Variants in HDAC9 observed in about 807,000 individuals in gnomAD.
HDAC9 encodes the protein histone deacetylase 9.
Under a neutral mutation model 139.4 loss-of-function variants are expected in HDAC9, and 41 were observed. That is an observed-to-expected ratio of 0.29 (90% CI 0.23 to 0.38). The LOEUF (loss-of-function observed/expected upper bound fraction) is 0.38, where lower values mean the gene tolerates loss of function less well. Among genes scored for constraint, HDAC9 ranks in the 10% least tolerant of loss-of-function variants. The pLI is 1.00. For missense variants in HDAC9, 1,147 were observed against 1,297.0 expected (o/e 0.88, Z 1.78); for synonymous variants, 517 against 476.2 (o/e 1.09, Z -1.12).
chr7:18,294,564 G>T (rs1798016601), intron 1 of HDAC9, among the ~76,000 whole-genome samples: 1 of 152,106 alleles, frequency 6.6e-6, no homozygotes, highest in African/African-American at 2.4e-5. Context: ...GAGAGTAAAG[G>T]TCAGCATGGC....
intron 1 of HDAC9, among the ~76,000 whole-genome samples, chr7:18,463,201 G>T (rs2128111714): frequency 6.6e-6 from 1 of 152,066 alleles, no homozygotes; most frequent in East Asian, 1.9e-4. Context: ...AATGAGATTA[G>T]TTTGTAATTT....
intron 23 of HDAC9, among the ~76,000 whole-genome samples, chr7:18,952,598 T>C (rs1170816865): frequency 6.6e-6 from 1 of 152,008 alleles, no homozygotes; most frequent in Non-Finnish European, 1.5e-5. Context: ...GAAAAATTAT[T>C]TATAAGCAAA....
chr7:18,124,587 C>T lies in HDAC9; in HGVS notation c.-97+37374C>T, dbSNP rs1324340276. 2.6e-5 allele frequency among the ~76,000 whole-genome samples: 4 copies of T among 152,246 alleles called. No individual in the cohort carries two copies. In the South Asian group the frequency reaches 6.2e-4, roughly 24 times the overall value. The stretch of plus-strand genomic sequence containing the variant: ...GCTGTGGTCCTGGTAAAGCTATGGG[C>T]GTTGGTGTAGGGATGGTGTGCACCC... On this transcript the variant is annotated intron_variant, in intron 1 of 12. Coordinates refer to the HDAC9 transcript ENST00000417496.
At chr7:18,531,515 TAA>T (rs1056580453) in intron 2 of HDAC9, among the ~76,000 whole-genome samples, 75 of 152,310 alleles carry the variant, frequency 4.9e-4, no homozygotes, top group African/African-American at 1.7e-3. Flanking sequence ...AAAAAAACTT[TAA>T]GTTTTGAAAA....
intron 1 of HDAC9, among the ~76,000 whole-genome samples, chr7:18,146,147 T>A (rs1786307278): frequency 6.6e-6 from 1 of 152,202 alleles, no homozygotes; most frequent in Non-Finnish European, 1.5e-5. Context: ...AATGCTGTCA[T>A]GCTCTGAATA....
chr7:18,519,811 T>C (rs1012478865), intron 2 of HDAC9, among the ~76,000 whole-genome samples: 1 of 152,078 alleles, frequency 6.6e-6, no homozygotes, highest in Admixed American at 6.6e-5. Context: ...ATCAGCAGTT[T>C]TATTTATAAT....
At chr7:18,915,674 C>G (rs1031474206) in intron 22 of HDAC9, among the ~76,000 whole-genome samples, 27 of 149,346 alleles carry the variant, frequency 1.8e-4, no homozygotes, top group African/African-American at 6.6e-4. Flanking sequence ...GTCGGAACTT[C>G]AAAGCGACCC....
At chr7:18,825,993 T>C (rs1795402564) in intron 17 of HDAC9, among the ~76,000 whole-genome samples, 1 of 151,690 alleles carries the variant, frequency 6.6e-6, no homozygotes, top group African/African-American at 2.4e-5. Flanking sequence ...ATTATACAAA[T>C]GTAACATGTT....
At chr7:18,890,194 TATC>T (rs371655736) in intron 22 of HDAC9, among the ~76,000 whole-genome samples, 1 of 152,354 alleles carries the variant, frequency 6.6e-6, no homozygotes, top group African/African-American at 2.4e-5. Flanking sequence ...TAGATAGTCT[TATC>T]ATGTCCATGT....
intron 1 of HDAC9, among the ~76,000 whole-genome samples, chr7:18,133,580 A>T (rs906395790): frequency 1.3e-5 from 2 of 152,190 alleles, no homozygotes; most frequent in Non-Finnish European, 2.9e-5. Context: ...TGCACATGTT[A>T]TTCAGCAGAT....
chr7:18,937,284 C>T (rs560234073), intron 23 of HDAC9, among the ~76,000 whole-genome samples: 1 of 151,992 alleles, frequency 6.6e-6, no homozygotes, highest in South Asian at 2.1e-4. Context: ...GTGATCTGCC[C>T]GCCTCGGCCT....
chr7:18,195,518 CCAAA>C (rs1790662562), intron 2 of HDAC9, among the ~76,000 whole-genome samples: 1 of 152,068 alleles, frequency 6.6e-6, no homozygotes. Flanking sequence ...AGGTTTGTTG[CCAAA>C]CAATTTCTGA....
intron 1 of HDAC9, among the ~76,000 whole-genome samples, chr7:18,150,950 G>A (rs1307886632): frequency 2.0e-5 from 3 of 152,158 alleles, no homozygotes; most frequent in Non-Finnish European, 4.4e-5. Context: ...TGATTTACCA[G>A]CCTGATAAAC....
intron 8 of HDAC9, among the ~76,000 whole-genome samples, chr7:18,636,098 A>G (rs1272890030): frequency 6.6e-6 from 1 of 152,118 alleles, no homozygotes; most frequent in African/African-American, 2.4e-5. Context: ...CTCTAGGCAC[A>G]TTTGCACACT....
At chr7:18,107,610 T>A (rs1476609889) in intron 1 of HDAC9, among the ~76,000 whole-genome samples, 1 of 152,158 alleles carries the variant, frequency 6.6e-6, no homozygotes, top group East Asian at 1.9e-4. Flanking sequence ...ATTTAAAACT[T>A]TTTCTCAACC....
At chr7:18,929,929 A>T (rs1354506352) in intron 22 of HDAC9, among the ~76,000 whole-genome samples, 1 of 145,818 alleles carries the variant, frequency 6.9e-6, no homozygotes, top group East Asian at 2.2e-4. Context: ...ACACAGCAAG[A>T]CGCCGCCTCA....
chr7:18,811,555 T>C (rs1402016852), intron 17 of HDAC9, among the ~76,000 whole-genome samples: 1 of 151,838 alleles, frequency 6.6e-6, no homozygotes, highest in Non-Finnish European at 1.5e-5. Context: ...CTCTCTTTAA[T>C]TGATACATAA....
At chr7:18,221,861 T>C (rs909033567) in intron 2 of HDAC9, among the ~76,000 whole-genome samples, 3 of 152,194 alleles carry the variant, frequency 2.0e-5, no homozygotes, top group African/African-American at 4.8e-5. Context: ...GGTAGTGACC[T>C]TCCATATTTA....
chr7:18,216,106 CTGTGTGTG>C (rs56214633), intron 2 of HDAC9, among the ~76,000 whole-genome samples: 1 of 147,944 alleles, frequency 6.8e-6, no homozygotes, highest in Admixed American at 6.8e-5. Context: ...GCCTGCGTGT[CTGTGTGTG>C]TGTGTGTGTG....
Sources: allele counts gnomAD v4.1 joint callset (sites outside exome capture counted in the v4.1 genomes callset), GRCh38; gene constraint gnomAD v4.1.1; transcripts MANE v1.5; gene names NCBI Gene and HGNC (gene_info 2026-07-23, HGNC 2026-07-21).